THRB: variants seen among roughly 807,000 people sequenced by gnomAD.
THRB encodes thyroid hormone receptor beta.
In THRB, 12 loss-of-function variants were observed where a neutral mutation model predicts 47.8. The observed-to-expected ratio is 0.25, with a 90% CI of 0.16 to 0.41. The LOEUF is 0.41. THRB is among the 10% of genes least tolerant of loss of function. The pLI is 1.00. For missense variants in THRB, 348 were observed against 589.2 expected, an observed-to-expected ratio of 0.59 and a Z score of 4.24; for synonymous variants, 218 against 212.2, an observed-to-expected ratio of 1.03 and a Z score of -0.24.
chr3:24,288,120 T>C (rs2055523284), intron 3 of THRB, among the ~76,000 whole-genome samples: 1 of 152,206 alleles, frequency 6.6e-6, no homozygotes, highest in African/African-American at 2.4e-5. Flanking sequence ...GTCCCAAATA[T>C]AGAAGGCAAG....
intron 1 of THRB, among the ~76,000 whole-genome samples, chr3:24,375,134 A>G (rs1464532598): frequency 1.3e-5 from 2 of 151,746 alleles, no homozygotes; most frequent in African/African-American, 2.4e-5. Context: ...GATTTAAAAA[A>G]AGAGAGAGAG....
At chr3:24,480,276 G>A (rs1489794461) in intron 1 of THRB, among the ~76,000 whole-genome samples, 3 of 152,204 alleles carry the variant, frequency 2.0e-5, no homozygotes, top group African/African-American at 4.8e-5. Context: ...TTCCTCTGAT[G>A]TAAGAGCTCT....
intron 2 of THRB, among the ~76,000 whole-genome samples, chr3:24,325,016 TAGTC>T (rs1239591180): frequency 6.6e-6 from 1 of 152,254 alleles, no homozygotes; most frequent in Non-Finnish European, 1.5e-5. Flanking sequence ...GGCTCTTATG[TAGTC>T]AGGGTCTATC....
At chr3:24,359,358 G>C (rs1269946137) in intron 1 of THRB, among the ~76,000 whole-genome samples, 1 of 152,118 alleles carries the variant, frequency 6.6e-6, no homozygotes, top group Non-Finnish European at 1.5e-5. Flanking sequence ...GGAATTTTTA[G>C]ATGGTGACTG....
At chr3:24,238,278 TGGGG>T (rs67450132) in intron 3 of THRB, among the ~76,000 whole-genome samples, 935 of 30,012 alleles carry the variant, frequency 0.031, 19 homozygotes, top group South Asian at 0.084. Context: ...TGTGTGTGTG[TGGGG>T]GGGGGGGGGG....
intron 1 of THRB, among the ~76,000 whole-genome samples, chr3:24,419,811 A>G (rs1011861583): frequency 7.2e-5 from 11 of 151,926 alleles, no homozygotes; most frequent in South Asian, 4.1e-4. Context: ...CATTATTGTA[A>G]ACTATATGCC....
intron 5 of THRB, among the ~76,000 whole-genome samples, chr3:24,162,899 T>A (rs371345263): frequency 6.6e-5 from 10 of 152,228 alleles, no homozygotes; most frequent in African/African-American, 2.4e-4. Flanking sequence ...TAAGCCATCC[T>A]TAAAAAAATA....
chr3:24,203,085 C>T (rs983224692), intron 4 of THRB, among the ~76,000 whole-genome samples: 1 of 152,164 alleles, frequency 6.6e-6, no homozygotes, highest in Non-Finnish European at 1.5e-5. Context: ...AGCAAAATCT[C>T]TCCTGGAAAA....
chr3:24,362,544 C>CT (rs1447053209), intron 1 of THRB, among the ~76,000 whole-genome samples: 2 of 152,110 alleles, frequency 1.3e-5, no homozygotes, highest in Non-Finnish European at 2.9e-5. Context: ...ATATCCAACA[C>CT]TGTACTTATT....
In THRB at chr3:24,271,787, TTTAATTTAATAA is replaced by T. The variant is rs1479178389; in HGVS notation, c.-43+25427_-43+25438del. Among the ~76,000 whole-genome samples the T allele has an allele frequency of 6.6e-5, 10 of 152,244 alleles. No homozygotes were observed. The South Asian group carries it at 2.1e-3, about 32-fold the overall frequency. ...TATTTTTTTCCTTGAGAAAATTTAATTTAATTTAATAATTAATTTAATAGTCAGAGTACAGGT... is the reference window on the plus strand; with the variant it reads ...TATTTTTTTCCTTGAGAAAATTTAATTTAATTTAATAGTCAGAGTACAGGT... On this transcript the variant is annotated intron_variant, in intron 3 of 10. Coordinates refer to ENST00000646209, the MANE Select transcript of THRB (RefSeq NM_001354712.2).
chr3:24,313,829 C>G lies in THRB; in HGVS notation c.-188-16458G>C, dbSNP rs556542160. 2.0e-5 allele frequency among the ~76,000 whole-genome samples: 3 copies of G among 151,922 alleles called. No individual in the cohort carries two copies. The South Asian group carries it at 6.2e-4, about 32-fold the overall frequency. ...ACAACTTTAAGATACCATAATATCA[C>G]CTTTCAGTTCATTTTTAAAGTTTTT... On this transcript the variant is annotated intron_variant, in intron 2 of 10. Transcript: ENST00000646209.
intron 1 of THRB, among the ~76,000 whole-genome samples, chr3:24,394,888 G>T (rs1049549805): frequency 6.6e-6 from 1 of 152,060 alleles, no homozygotes; most frequent in Admixed American, 6.6e-5. Flanking sequence ...TGTGTTTGTT[G>T]GTAGCTCCAA....
intron 1 of THRB, among the ~76,000 whole-genome samples, chr3:24,353,735 A>C (rs1234263555): frequency 6.6e-6 from 1 of 152,138 alleles, no homozygotes; most frequent in African/African-American, 2.4e-5. Flanking sequence ...AACTCCTATA[A>C]AACTTTGTAT....
chr3:24,403,767 T>C (rs1257199840), intron 1 of THRB, among the ~76,000 whole-genome samples: 2 of 151,994 alleles, frequency 1.3e-5, no homozygotes, highest in Non-Finnish European at 2.9e-5. Flanking sequence ...AGTATACATA[T>C]GGCACTGCTG....
intron 5 of THRB, among the ~76,000 whole-genome samples, chr3:24,170,698 CT>C (rs1301525954): frequency 6.6e-6 from 1 of 152,054 alleles, no homozygotes; most frequent in Non-Finnish European, 1.5e-5. Flanking sequence ...GGACAGAGCC[CT>C]TCTCATTTGT....
intron 7 of THRB, among the ~76,000 whole-genome samples, chr3:24,145,737 T>A (rs2035996170): frequency 1.3e-5 from 2 of 152,228 alleles, no homozygotes; most frequent in Non-Finnish European, 2.9e-5. Flanking sequence ...AAGAACTCTA[T>A]TTCTCACATA....
chr3:24,331,670 C>T (rs909213125), intron 2 of THRB, among the ~76,000 whole-genome samples: 3 of 130,434 alleles, frequency 2.3e-5, no homozygotes, highest in Admixed American at 8.3e-5. Flanking sequence ...ATACACACAC[C>T]TCCGTGTATG....
At chr3:24,258,454 G>A (rs1018607326) in intron 3 of THRB, among the ~76,000 whole-genome samples, 3 of 152,166 alleles carry the variant, frequency 2.0e-5, no homozygotes, top group Non-Finnish European at 2.9e-5. Context: ...CAAGCTGCCT[G>A]CAACTCCAGT....
intron 1 of THRB, among the ~76,000 whole-genome samples, chr3:24,423,002 T>C (rs2069414216): frequency 6.6e-6 from 1 of 151,778 alleles, no homozygotes. Flanking sequence ...CCAGCTTCTG[T>C]GTAAAGGGCT....
Sources: allele counts gnomAD v4.1 joint callset (sites outside exome capture counted in the v4.1 genomes callset), GRCh38; gene constraint gnomAD v4.1.1; transcripts MANE v1.5; gene names NCBI Gene and HGNC (gene_info 2026-07-23, HGNC 2026-07-21).